The following ARHGEF10L variants were observed in gnomAD, a reference collection of about 807,000 sequenced individuals.
ARHGEF10L encodes rho guanine nucleotide exchange factor 10-like protein.
Under a neutral mutation model 141.2 loss-of-function variants are expected in ARHGEF10L, and 69 were observed. That is an observed-to-expected ratio of 0.49 (90% confidence interval 0.40 to 0.60). The LOEUF (loss-of-function observed/expected upper bound fraction) is 0.60. Ranked by LOEUF, ARHGEF10L falls within the 20% of genes least tolerant of loss-of-function variation. The pLI is 0.00. For synonymous variants in ARHGEF10L, 711 were observed against 718.5 expected, an observed-to-expected ratio of 0.99 and a Z score of 0.17; for missense variants, 1,482 against 1,734.3, an observed-to-expected ratio of 0.85 and a Z score of 2.58.
chr1:17,687,629 G>A lies in ARHGEF10L; in HGVS notation c.3066G>A (p.Ala1022=), dbSNP rs541329023. 1.8e-5 allele frequency: 29 copies of A among 1,612,916 alleles called. No homozygotes were observed. The highest frequency in any genetic ancestry group is 6.7e-5 in the African/African-American group (5 of 75,024). Reference sequence around the variant, plus strand: ...TGAGCGTGACACACATGGTGAAGGCGGGCAGCGGCGTCTGGATGGCCTTCT... The same window carrying A: ...TGAGCGTGACACACATGGTGAAGGCAGGCAGCGGCGTCTGGATGGCCTTCT... The part of the protein sequence containing the change: ...EAVSVTHMVK[A]GSGVWMAFSS... The change falls in exon 27 of 29, where the codon GCG becomes GCA. Residue 1022 remains alanine, a synonymous_variant. Coordinates refer to ENST00000361221, the MANE Select transcript of ARHGEF10L (RefSeq NM_018125.4).
intron 25 of ARHGEF10L, among the ~76,000 whole-genome samples, chr1:17,659,655 T>A (rs1454167876): frequency 2.0e-5 from 3 of 152,102 alleles, no homozygotes; most frequent in Non-Finnish European, 4.4e-5. Flanking sequence ...ATTGTGAAAA[T>A]CTAGACCCCT....
chr1:17,542,351 A>G (rs2076761306), intron 1 of ARHGEF10L, among the ~76,000 whole-genome samples: 1 of 152,168 alleles, frequency 6.6e-6, no homozygotes, highest in Non-Finnish European at 1.5e-5. Flanking sequence ...CAGGAGGCTG[A>G]GATGGGAGGA....
intron 22 of ARHGEF10L, among the ~76,000 whole-genome samples, chr1:17,652,870 C>G (rs1233962269): frequency 6.6e-6 from 1 of 152,130 alleles, no homozygotes; most frequent in Non-Finnish European, 1.5e-5. Flanking sequence ...GGGTCTGTGG[C>G]CAGGCTTGCT....
intron 27 of ARHGEF10L, 132 bp from the exon 28 acceptor site, chr1:17,695,026 C>G (rs773933363): frequency 3.0e-5 from 41 of 1,378,438 alleles, no homozygotes; most frequent in Non-Finnish European, 4.0e-5. Context: ...AGCTCTTCCC[C>G]ACCCCACCGC....
In ARHGEF10L at chr1:17,639,376, G is replaced by A. The variant is rs1453181601; in HGVS notation, c.2171+687G>A. On this transcript the variant is annotated intron_variant, in intron 20 of 28. Coordinates refer to ENST00000361221, the MANE Select transcript of ARHGEF10L (RefSeq NM_018125.4). This position sits in a 1 kb window ranked among gnomAD's most constrained non-coding sequence, Gnocchi z 4.3. ...CTCAATGCCCAGGTTTTGGCCTCCAGGGTGGGGTGAAGGTGGGGATAGAGT... is the reference window on the plus strand; with the variant it reads ...CTCAATGCCCAGGTTTTGGCCTCCAAGGTGGGGTGAAGGTGGGGATAGAGT... 2.0e-5 allele frequency among the ~76,000 whole-genome samples: 3 copies of A among 152,350 alleles called. No individual in the cohort carries two copies. The East Asian group carries it at 5.8e-4, about 29-fold the overall frequency.
chr1:17,683,110 C>T lies in ARHGEF10L; in HGVS notation c.3010-4463C>T, dbSNP rs190598331. ...ACCAGGGTGCTCACTGCCCCCTGCT[C>T]TCACCGGGGTGCTCACTGCCCCCTG... is the stretch of plus-strand genomic sequence containing the variant. On this transcript the variant is annotated intron_variant, in intron 26 of 28. Coordinates refer to ENST00000361221, the MANE Select transcript of ARHGEF10L (RefSeq NM_018125.4). 2.6e-3 allele frequency among the ~76,000 whole-genome samples: 385 copies of T among 147,984 alleles called. 5 individuals carry two copies. The East Asian group carries it at 0.064, about 25-fold the overall frequency.
intron 6 of ARHGEF10L, among the ~76,000 whole-genome samples, chr1:17,606,427 G>A (rs1323059487): frequency 6.6e-6 from 1 of 151,670 alleles, no homozygotes; most frequent in Non-Finnish European, 1.5e-5. Context: ...CTGAGTAGCT[G>A]GGACTACAGG....
chr1:17,593,036 A>T (rs1356659241), intron 4 of ARHGEF10L, among the ~76,000 whole-genome samples: 3 of 152,082 alleles, frequency 2.0e-5, no homozygotes. Context: ...TTCCAATCAG[A>T]GCCAGGACCT....
At chr1:17,556,115 G>C (rs1191827877) in intron 1 of ARHGEF10L, among the ~76,000 whole-genome samples, 3 of 105,958 alleles carry the variant, frequency 2.8e-5, no homozygotes, top group African/African-American at 1.1e-4. Context: ...GGGAGCATGG[G>C]GGGGGCCTGG....
intron 1 of ARHGEF10L, among the ~76,000 whole-genome samples, chr1:17,574,832 C>A (rs1003440221): frequency 6.6e-6 from 1 of 152,228 alleles, no homozygotes; most frequent in Non-Finnish European, 1.5e-5. Context: ...TCAGGAGACC[C>A]CGCCCCACTT....
Position 17,586,337 on chromosome 1 carries a change from C to T in ARHGEF10L, c.38-1123C>T, listed in dbSNP as rs145346721. Among the ~76,000 whole-genome samples, 12 of 152,286 alleles carry T rather than the reference C, an allele frequency of 7.9e-5. No homozygotes were observed. In the East Asian group the frequency reaches 1.7e-3, roughly 22 times the overall value. ...GGGAGCTCAGACAGGGCCATGTGAG[C>T]GCAGAGCTCATGCCTAAGCTGTGTG... On this transcript the variant is annotated intron_variant, in intron 2 of 28. Coordinates refer to ENST00000361221, the MANE Select transcript of ARHGEF10L (RefSeq NM_018125.4).
intron 21 of ARHGEF10L, among the ~76,000 whole-genome samples, chr1:17,647,063 G>T (rs931894810): frequency 6.6e-6 from 1 of 151,982 alleles, no homozygotes. Flanking sequence ...CTGACCTGGC[G>T]CCTCCTAGGG....
In ARHGEF10L at chr1:17,697,000, G is replaced by A. The variant is rs775273646; in HGVS notation, c.3460G>A (p.Glu1154Lys). Residue 1154 changes from glutamate (E) to lysine (K), a missense_variant, in exon 29 of 29, where the codon GAG becomes AAG. Transcript: ENST00000361221. ...GGACAAGCCAGACGGGCAGGCACAC[G>A]AGCCCATGCCCGATAGCCACGTGGG... ...EEDKPDGQAHEPMPDSHVGRE... is the reference protein window; with the variant it reads ...EEDKPDGQAHKPMPDSHVGRE... 50 of 1,609,384 alleles carry A rather than the reference G, an allele frequency of 3.1e-5. No homozygotes were observed. The Middle Eastern group carries it at 6.6e-4, about 21-fold the overall frequency.
chr1:17,517,155 C>A, the ARHGEF10L span, among the ~76,000 whole-genome samples: 1 of 152,088 alleles, frequency 6.6e-6, no homozygotes, highest in African/African-American at 2.4e-5. Flanking sequence ...CCAGGTGAGC[C>A]AGAGACTTTG....
At chr1:17,538,222 G>A (rs983605450), upstream of ARHGEF10L, among the ~76,000 whole-genome samples, 1 of 152,210 alleles carries the variant, frequency 6.6e-6, no homozygotes, top group Non-Finnish European at 1.5e-5. Flanking sequence ...CCATGAGCCT[G>A]AGGTCACTCA....
chr1:17,602,191 A>G lies in ARHGEF10L; in HGVS notation c.322A>G (p.Ser108Gly). 6.3e-7 allele frequency: 1 copy of G among 1,579,538 alleles called. No homozygotes were observed. Among genetic ancestry groups the G allele is most frequent in the Non-Finnish European group, 8.6e-7 (1 of 1,162,538 alleles). The change falls in exon 5 of 29, where the codon AGC becomes GGC. Residue 108 changes from serine (S) to glycine (G), a missense_variant. Physicochemically the swap from Ser to Gly is moderately conservative, Grantham distance 56. Coordinates refer to ENST00000361221, the MANE Select transcript of ARHGEF10L (RefSeq NM_018125.4). ...AGCCTTCTCCGGGGCCCGGCACTCCAGCTGGAAGCGGAAGAGTTCCCGTCG... is the reference window on the plus strand; with the variant it reads ...AGCCTTCTCCGGGGCCCGGCACTCCGGCTGGAAGCGGAAGAGTTCCCGTCG... ...DAAFSGARHS[S>G]WKRKSSRRID... is the part of the protein sequence containing the mutation.
intron 4 of ARHGEF10L, among the ~76,000 whole-genome samples, chr1:17,588,899 T>TGTGTGTGG (rs1557758147): frequency 3.7e-4 from 11 of 30,042 alleles, no homozygotes; most frequent in Admixed American, 5.4e-4. Flanking sequence ...TGTGTGTGTG[T>TGTGTGTGG]AGTGGGGGAG....
intron 1 of ARHGEF10L, among the ~76,000 whole-genome samples, chr1:17,576,818 G>A (rs2078243351): frequency 6.6e-6 from 1 of 152,176 alleles, no homozygotes; most frequent in Non-Finnish European, 1.5e-5. Flanking sequence ...TGGCAGAGCT[G>A]GGATTTGAAC....
intron 26 of ARHGEF10L, among the ~76,000 whole-genome samples, chr1:17,686,161 G>T (rs2064576422): frequency 6.7e-6 from 1 of 150,014 alleles, no homozygotes; most frequent in African/African-American, 2.5e-5. Flanking sequence ...GTCATGCAGT[G>T]TCTGTAAGTG....
Sources: allele counts gnomAD v4.1 joint callset (sites outside exome capture counted in the v4.1 genomes callset), GRCh38; gene constraint gnomAD v4.1.1; non-coding constraint Gnocchi (gnomAD v3.1); transcripts MANE v1.5; gene names NCBI Gene and HGNC (gene_info 2026-07-23, HGNC 2026-07-21).